Variants in TRPC7 observed in about 807,000 individuals in gnomAD.
TRPC7 encodes short transient receptor potential channel 7.
Under a neutral mutation model 90.1 loss-of-function variants are expected in TRPC7, and 42 were observed. The ratio of observed to expected loss-of-function variants is 0.47; its 90% CI spans 0.36 to 0.60. The LOEUF (loss-of-function observed/expected upper bound fraction) is 0.60. Ranked by LOEUF, TRPC7 falls within the 20% of genes least tolerant of loss-of-function variation. The pLI, the probability that TRPC7 is intolerant of heterozygous loss-of-function variation, is 0.00. For synonymous variants in TRPC7, 451 were observed against 436.3 expected, an observed-to-expected ratio of 1.03 and a Z score of -0.42; for missense variants, 955 against 1,112.3, an observed-to-expected ratio of 0.86 and a Z score of 2.01.
At chr5:136,255,625 T>G (rs982798818) in intron 5 of TRPC7, among the ~76,000 whole-genome samples, 2 of 152,256 alleles carry the variant, frequency 1.3e-5, no homozygotes, top group African/African-American at 4.8e-5. Context: ...TGTAGTGGTC[T>G]GAAACTGAAC....
At chr5:136,311,013 C>T (rs1758809744) in intron 3 of TRPC7, among the ~76,000 whole-genome samples, 1 of 152,110 alleles carries the variant, frequency 6.6e-6, no homozygotes, top group African/African-American at 2.4e-5. Flanking sequence ...ACAATATTCA[C>T]ACATTTTTCT....
chr5:136,298,681 A>T (rs776351869), intron 3 of TRPC7, among the ~76,000 whole-genome samples: 3 of 152,060 alleles, frequency 2.0e-5, no homozygotes, highest in Non-Finnish European at 4.4e-5. Context: ...TTAACATGGG[A>T]CAACTCTGTG....
At chr5:136,230,152 C>T (rs1055802828) in intron 8 of TRPC7, among the ~76,000 whole-genome samples, 8 of 152,134 alleles carry the variant, frequency 5.3e-5, no homozygotes, top group African/African-American at 1.2e-4. Flanking sequence ...TTTCCTTTAA[C>T]GAACATCTAC....
chr5:136,330,475 G>A (rs932765405), intron 2 of TRPC7, among the ~76,000 whole-genome samples: 4 of 152,204 alleles, frequency 2.6e-5, no homozygotes, highest in African/African-American at 7.2e-5. Context: ...ATCCATGATC[G>A]TAATACTGGT....
At chr5:136,214,180 C>T (rs1755183116) in intron 11 of TRPC7, 1 of 152,528 alleles carries the variant, frequency 6.6e-6, no homozygotes, top group Non-Finnish European at 1.5e-5. Context: ...CACCACCTCG[C>T]TGACAGGAGC....
chr5:136,261,140 G>T (rs1291578792), intron 5 of TRPC7, among the ~76,000 whole-genome samples: 1 of 152,076 alleles, frequency 6.6e-6, no homozygotes, highest in Non-Finnish European at 1.5e-5. Context: ...GGGTGCACCA[G>T]CACAAAGACC....
At position 136,341,667 on chromosome 5, in the gene TRPC7, A is replaced by T. The variant is rs76489288; in HGVS notation, c.780+14941T>A. On this transcript the variant is annotated intron_variant, in intron 2 of 11. Transcript: ENST00000513104. ...TATCATATATTCCTTTGATTAAAAA[A>T]TTGAAAAGAAGATGAATGATTTCTT... Among the ~76,000 whole-genome samples the T allele has an allele frequency of 1.2e-3, 187 of 152,312 alleles. 1 individual carries two copies. Among genetic ancestry groups the T allele is most frequent in the Middle Eastern group, 3.4e-3 (1 of 294 alleles).
chr5:136,297,941 G>A (rs191345789), intron 3 of TRPC7, among the ~76,000 whole-genome samples: 1 of 152,122 alleles, frequency 6.6e-6, no homozygotes, highest in East Asian at 1.9e-4. Flanking sequence ...AAACAAAACT[G>A]GAAGAAGACT....
intron 10 of TRPC7, among the ~76,000 whole-genome samples, chr5:136,223,542 G>A (rs989150792): frequency 3.3e-5 from 5 of 152,104 alleles, no homozygotes; most frequent in Non-Finnish European, 7.3e-5. Flanking sequence ...GAACCTGGGA[G>A]GCGGAGGTTG....
chr5:136,281,522 G>A (rs59165886), intron 3 of TRPC7, among the ~76,000 whole-genome samples: 41 of 152,336 alleles, frequency 2.7e-4, no homozygotes, highest in African/African-American at 9.6e-4. Flanking sequence ...AGTTCCCTGA[G>A]CCTGAGTTCT....
At chr5:136,223,271 A>T (rs1434464131) in intron 10 of TRPC7, among the ~76,000 whole-genome samples, 1 of 152,226 alleles carries the variant, frequency 6.6e-6, no homozygotes, top group Admixed American at 6.5e-5. Context: ...TATGGACTCA[A>T]CCAGCGAGGA....
chr5:136,301,098 C>T (rs763965657), intron 3 of TRPC7, among the ~76,000 whole-genome samples: 1 of 152,088 alleles, frequency 6.6e-6, no homozygotes, highest in Non-Finnish European at 1.5e-5. Flanking sequence ...GGTATGGTCT[C>T]AGCTCACTGC....
At chr5:136,268,447 A>G (rs1486638093) in intron 4 of TRPC7, among the ~76,000 whole-genome samples, 2 of 152,134 alleles carry the variant, frequency 1.3e-5, no homozygotes, top group African/African-American at 4.8e-5. Context: ...TAAGGGGTCC[A>G]TTTTCCCCAT....
In TRPC7 at chr5:136,357,035, T is replaced by C. The variant is rs1354816581; in HGVS notation, c.353A>G (p.Tyr118Cys). The C allele has an allele frequency of 6.2e-7, 1 of 1,613,240 alleles. No individual in the cohort carries two copies. The highest frequency in any genetic ancestry group is 8.5e-7 in the Non-Finnish European group (1 of 1,179,920). Reference protein sequence around the residue: ...DALLLAISKGYVRIVEAILNH... With the variant: ...DALLLAISKGCVRIVEAILNH... ...GAGGATGGCCTCCACGATGCGCACA[T>C]AGCCCTTGCTGATGGCCAGCAGCAG... The change falls in exon 2 of 12, where the codon TAT becomes TGT. Residue 118 changes from tyrosine to cysteine, a missense_variant. Physicochemically the swap from Tyr to Cys is radical, Grantham distance 194 (BLOSUM62 -2). Around this residue, in one of 4 missense-constraint regions of TRPC7, gnomAD observed 14 missense variants for 34.2 expected, o/e 0.41. Transcript: ENST00000513104.
intron 7 of TRPC7, among the ~76,000 whole-genome samples, chr5:136,237,197 A>T (rs184498596): frequency 1.3e-5 from 2 of 152,230 alleles, no homozygotes; most frequent in African/African-American, 4.8e-5. Flanking sequence ...CCTCCGAATC[A>T]CCTCTGAGTT....
intron 3 of TRPC7, among the ~76,000 whole-genome samples, chr5:136,293,264 A>G (rs1428743250): frequency 3.3e-5 from 5 of 152,314 alleles, no homozygotes; most frequent in Middle Eastern, 3.4e-3. Flanking sequence ...ACTCCTATTC[A>G]ACATAGTGTT....
rs142659765 is a variant in TRPC7 at position 136,344,738 on chromosome 5, G to T, written c.780+11870C>A. Among the ~76,000 whole-genome samples, 515 of 152,270 alleles carry T rather than the reference G, an allele frequency of 3.4e-3. 1 individual carries two copies. The highest frequency in any genetic ancestry group is 0.011 in the African/African-American group (473 of 41,554). ...CTAAAACACAAGAATGCTTGAATAG[G>T]ATTGTAAGGGGGTATAGGGATGTTC... On this transcript the variant is annotated intron_variant, in intron 2 of 11. Transcript: ENST00000513104.
At chr5:136,279,927 T>C (rs180769) in intron 3 of TRPC7, among the ~76,000 whole-genome samples, 98,708 of 151,816 alleles carry the variant, frequency 0.65, 33,207 homozygotes, top group African/African-American at 0.85. Flanking sequence ...CCAAGGTGGG[T>C]GGATCACTTG....
chr5:136,315,600 C>A lies in TRPC7; in HGVS notation c.960G>T (p.Lys320Asn), dbSNP rs1167079282. 6.2e-7 allele frequency: 1 copy of A among 1,613,674 alleles called. No homozygotes were observed. Among genetic ancestry groups the A allele is most frequent in the East Asian group, 2.2e-5 (1 of 44,858 alleles). Residue 320 changes from lysine (K) to asparagine (N), a missense_variant, in exon 3 of 12, where the codon AAG becomes AAT. Lys to Asn is a moderately conservative substitution (Grantham distance 94). Transcript: ENST00000513104. ...CAGGAGAGATGGGGGAGCTTACCTT[C>A]TTGACTTCATATTTAATGGCGAGTT... ...RIKLAIKYEV[K>N]KFVAHPNCQQ...
Sources: gnomAD v4.1 joint callset for allele counts (sites outside exome capture counted in the v4.1 genomes callset) on GRCh38, gnomAD v4.1.1 for gene constraint, gnomAD v4.1.1 regional missense constraint, MANE v1.5 for transcripts, NCBI Gene and HGNC (gene_info 2026-07-23, HGNC 2026-07-21) for gene names.